The following DPP10 variants were observed in gnomAD, a reference collection of about 807,000 sequenced individuals.
DPP10 encodes the protein dipeptidyl peptidase like 10, also known as inactive dipeptidyl peptidase 10.
Under a neutral mutation model 120.9 loss-of-function variants are expected in DPP10, and 33 were observed. That is an observed-to-expected ratio of 0.27 (90% CI 0.21 to 0.37). The LOEUF (loss-of-function observed/expected upper bound fraction) is 0.37, where lower values mean the gene tolerates loss of function less well. Ranked by LOEUF, DPP10 falls within the 10% of genes least tolerant of loss-of-function variation. DPP10 has a pLI of 1.00. For synonymous variants in DPP10, 337 were observed against 326.1 expected (o/e 1.03, Z -0.36); for missense variants, 816 against 942.8 (o/e 0.87, Z 1.76).
At chr2:115,522,374 A>G (rs952000713) in intron 4 of DPP10, among the ~76,000 whole-genome samples, 3 of 152,188 alleles carry the variant, frequency 2.0e-5, no homozygotes, top group African/African-American at 4.8e-5. Flanking sequence ...GAAACATCCT[A>G]GTGGGTTTGG....
At chr2:114,543,883 G>T (rs72840636) in intron 1 of DPP10, among the ~76,000 whole-genome samples, 5 of 106,222 alleles carry the variant, frequency 4.7e-5, no homozygotes, top group Non-Finnish European at 1.1e-4. Flanking sequence ...TTTGTTGTTG[G>T]TGGTGGTGGT....
Position 115,037,484 on chromosome 2 carries a change from G to A in DPP10, c.61-271755G>A, listed in dbSNP as rs993767978. Among the ~76,000 whole-genome samples, 9 of 152,062 alleles carry A rather than the reference G, an allele frequency of 5.9e-5. No homozygotes were observed. In the East Asian group the frequency reaches 1.7e-3, roughly 29 times the overall value. On this transcript the variant is annotated intron_variant, in intron 1 of 25. Transcript: ENST00000410059. Reference sequence around the variant, plus strand: ...GCAGCCATTAAGTTCCAGGGCCTCCGGCAGGCAAAAGAAACTAAAGGCCAA... The same window carrying A: ...GCAGCCATTAAGTTCCAGGGCCTCCAGCAGGCAAAAGAAACTAAAGGCCAA...
At chr2:115,403,542 GGCACCT>G (rs1237230141) in intron 3 of DPP10, among the ~76,000 whole-genome samples, 1 of 151,928 alleles carries the variant, frequency 6.6e-6, no homozygotes, top group Non-Finnish European at 1.5e-5. Flanking sequence ...TGGGACTACA[GGCACCT>G]GCCATAACAC....
At chr2:114,868,683 A>G (rs561062150) in intron 1 of DPP10, among the ~76,000 whole-genome samples, 8 of 152,326 alleles carry the variant, frequency 5.3e-5, no homozygotes, top group South Asian at 2.1e-4. Flanking sequence ...CCTTCTAGGA[A>G]AGAACAAAAG....
At position 115,239,790 on chromosome 2, in the gene DPP10, C is replaced by T. The variant is rs562407897; in HGVS notation, c.61-69449C>T. ...CCGACAGGCCCCAGTATGTGATGTTCCCCTCCTTGTGTCCATGCGTTCTCA... is the reference window on the plus strand; with the variant it reads ...CCGACAGGCCCCAGTATGTGATGTTTCCCTCCTTGTGTCCATGCGTTCTCA... On this transcript the variant is annotated intron_variant, in intron 1 of 25. Transcript: ENST00000410059. Among the ~76,000 whole-genome samples the T allele has an allele frequency of 2.6e-5, 4 of 152,126 alleles. No homozygotes were observed. In the South Asian group the frequency reaches 8.3e-4, roughly 32 times the overall value.
chr2:115,525,227 A>G (rs941419053), intron 4 of DPP10, among the ~76,000 whole-genome samples: 14 of 152,156 alleles, frequency 9.2e-5, no homozygotes, highest in Admixed American at 8.5e-4. Flanking sequence ...AATTAGACAA[A>G]TATCTCTATT....
intron 7 of DPP10, among the ~76,000 whole-genome samples, chr2:115,719,583 T>C (rs1307237245): frequency 2.0e-5 from 3 of 152,204 alleles, no homozygotes; most frequent in Admixed American, 1.3e-4. Context: ...TAGTTTTGCT[T>C]TGCATTATAT....
At chr2:114,857,213 A>G (rs1311370782) in intron 1 of DPP10, among the ~76,000 whole-genome samples, 2 of 152,226 alleles carry the variant, frequency 1.3e-5, no homozygotes, top group Non-Finnish European at 2.9e-5. Flanking sequence ...AATTGATAAA[A>G]GATCAAGCTA....
At chr2:115,333,288 C>G (rs1030190112) in intron 2 of DPP10, among the ~76,000 whole-genome samples, 1 of 152,102 alleles carries the variant, frequency 6.6e-6, no homozygotes, top group Non-Finnish European at 1.5e-5. Flanking sequence ...AGATCTTCCT[C>G]CATCCCTTCA....
At chr2:115,617,466 G>A (rs2084609590) in intron 5 of DPP10, among the ~76,000 whole-genome samples, 1 of 151,260 alleles carries the variant, frequency 6.6e-6, no homozygotes, top group African/African-American at 2.4e-5. Context: ...ATACATATAT[G>A]TATGCATAAC....
chr2:114,523,384 G>T (rs1023488309), intron 1 of DPP10, among the ~76,000 whole-genome samples: 16 of 152,148 alleles, frequency 1.1e-4, no homozygotes, highest in Non-Finnish European at 2.1e-4. Context: ...ACAGCTGGGG[G>T]CTTTAGCACC....
chr2:114,982,103 C>T (rs1015968385), intron 1 of DPP10, among the ~76,000 whole-genome samples: 1 of 151,998 alleles, frequency 6.6e-6, no homozygotes, highest in African/African-American at 2.4e-5. Context: ...ACCATTTTGG[C>T]CAGGCTGGTC....
At chr2:115,228,113 A>G (rs1367492342) in intron 1 of DPP10, among the ~76,000 whole-genome samples, 1 of 151,554 alleles carries the variant, frequency 6.6e-6, no homozygotes, top group African/African-American at 2.4e-5. Flanking sequence ...TTATACATAT[A>G]TTTTTTGTTG....
chr2:115,022,338 G>A (rs921303541), intron 1 of DPP10, among the ~76,000 whole-genome samples: 10 of 151,604 alleles, frequency 6.6e-5, no homozygotes, highest in African/African-American at 2.2e-4. Flanking sequence ...ATTAATGTAC[G>A]CGAATCAGTA....
At chr2:114,732,704 T>G (rs1677034967) in intron 1 of DPP10, among the ~76,000 whole-genome samples, 1 of 152,166 alleles carries the variant, frequency 6.6e-6, no homozygotes, top group Admixed American at 6.5e-5. Context: ...GAGGAATGCC[T>G]TGGGTTTTCT....
intron 1 of DPP10, among the ~76,000 whole-genome samples, chr2:114,479,871 A>T (rs544659884): frequency 6.6e-6 from 1 of 152,144 alleles, no homozygotes; most frequent in Admixed American, 6.5e-5. Context: ...AATGGGATCT[A>T]ATTAAACTAA....
chr2:115,320,170 T>A (rs2061991223), intron 2 of DPP10, among the ~76,000 whole-genome samples: 1 of 152,186 alleles, frequency 6.6e-6, no homozygotes, highest in African/African-American at 2.4e-5. Flanking sequence ...AAGTCTAATT[T>A]TTCTGATATG....
chr2:114,550,510 C>T (rs985561115), intron 1 of DPP10, among the ~76,000 whole-genome samples: 3 of 152,214 alleles, frequency 2.0e-5, no homozygotes, highest in South Asian at 2.1e-4. Context: ...CTGGCAGAGT[C>T]GGTGCTTTTA....
At chr2:114,553,255 C>T (rs921643859) in intron 1 of DPP10, among the ~76,000 whole-genome samples, 9 of 152,328 alleles carry the variant, frequency 5.9e-5, no homozygotes, top group African/African-American at 7.2e-5. Context: ...CAGCTTCTCC[C>T]GCTGTACCTT....
Sources: gnomAD v4.1 joint callset for allele counts (sites outside exome capture counted in the v4.1 genomes callset) on GRCh38, gnomAD v4.1.1 for gene constraint, MANE v1.5 for transcripts, NCBI Gene and HGNC (gene_info 2026-07-23, HGNC 2026-07-21) for gene names.